Variants in ABCC2 observed in about 807,000 individuals in gnomAD.
The protein encoded by ABCC2 is ATP-binding cassette sub-family C member 2.
A neutral mutation model predicts 173.4 loss-of-function variants in ABCC2; 157 were observed. The ratio of observed to expected loss-of-function variants is 0.91; its 90% CI spans 0.80 to 1.03. ABCC2 has a LOEUF of 1.03. ABCC2 is among the 50% of genes least tolerant of loss of function. ABCC2 has a pLI of 0.00. For synonymous variants in ABCC2, 657 were observed against 693.5 expected (o/e 0.95, Z 0.83); for missense variants, 1,822 against 1,852.3 (o/e 0.98, Z 0.30).
At chr10:99,785,948 G>A (rs2037702693) in intron 2 of ABCC2, among the ~76,000 whole-genome samples, 1 of 152,112 alleles carries the variant, frequency 6.6e-6, no homozygotes, top group African/African-American at 2.4e-5. Flanking sequence ...AAAGGAAGTG[G>A]ATTTCACCTT....
chr10:99,828,779 G>T (rs1369421186), intron 19 of ABCC2, among the ~76,000 whole-genome samples: 1 of 151,978 alleles, frequency 6.6e-6, no homozygotes, highest in Admixed American at 6.6e-5. Flanking sequence ...TGTGTGTTGT[G>T]GGTGGTGGGG....
chr10:99,814,378 C>CGCGTATGTATACACACATGTAT (rs2038317183), intron 16 of ABCC2, among the ~76,000 whole-genome samples: 2 of 24,096 alleles, frequency 8.3e-5, no homozygotes, highest in Admixed American at 4.3e-4. Context: ...TATATATACA[C>CGCGTATGTATACACACATGTAT]ATATATACAT....
rs527928341 is a variant in ABCC2 at position 99,812,444 on chromosome 10, G to A, written c.1968-574G>A. 9.5e-4 allele frequency among the ~76,000 whole-genome samples: 145 copies of A among 152,278 alleles called. 1 individual carries two copies. Among genetic ancestry groups the A allele is most frequent in the African/African-American group, 3.3e-3 (137 of 41,556 alleles). ...AACAGGGCTGGCACACACAGTTTCCGGGAACCTATCCCATTGTGGGCCCCT... is the reference window on the plus strand; with the variant it reads ...AACAGGGCTGGCACACACAGTTTCCAGGAACCTATCCCATTGTGGGCCCCT... On this transcript the variant is annotated intron_variant, in intron 15 of 31. Transcript: ENST00000647814.
At chr10:99,836,413 T>G (rs957018405) in intron 25 of ABCC2, 123 bp downstream of exon 25, 62 of 1,027,176 alleles carry the variant, frequency 6.0e-5, no homozygotes, top group Non-Finnish European at 8.7e-5. Context: ...CACACTGTCA[T>G]GCTATGTAAG....
At chr10:99,790,083 T>A (rs1458977733) in intron 2 of ABCC2, among the ~76,000 whole-genome samples, 1 of 152,236 alleles carries the variant, frequency 6.6e-6, no homozygotes, top group Non-Finnish European at 1.5e-5. Flanking sequence ...TGTATATACT[T>A]GTGTATACAA....
rs138705984 is a variant in ABCC2, at chr10:99,846,130, T to A, written c.4146+348T>A. Among the ~76,000 whole-genome samples the A allele has an allele frequency of 6.6e-5, 10 of 152,346 alleles. No homozygotes were observed. In the East Asian group the frequency reaches 1.9e-3, roughly 29 times the overall value. On this transcript the variant is annotated intron_variant, in intron 29 of 31. Coordinates refer to ENST00000647814, the MANE Select transcript of ABCC2 (RefSeq NM_000392.5). Reference sequence around the variant, plus strand: ...TGAAGCTTGAAGCCATTAAGCTTTATACTCCCCATTTGCTATGGTTAAAAG... The same window carrying A: ...TGAAGCTTGAAGCCATTAAGCTTTAAACTCCCCATTTGCTATGGTTAAAAG...
intron 19 of ABCC2, 26 bp downstream of exon 19, chr10:99,819,295 T>G: frequency 6.2e-7 from 1 of 1,606,954 alleles, no homozygotes; most frequent in Non-Finnish European, 8.5e-7. Context: ...TGGGACAAGA[T>G]AGAACTTGGG....
chr10:99,792,213 G>C (rs1477419403), intron 2 of ABCC2, 21 bp from the exon 3 acceptor site: 1 of 1,613,598 alleles, frequency 6.2e-7, no homozygotes, highest in Non-Finnish European at 8.5e-7. Context: ...CCTCTTAACA[G>C]TGGTCTTTTT....
chr10:99,808,769 G>A (rs2038159511), intron 13 of ABCC2, among the ~76,000 whole-genome samples: 1 of 152,178 alleles, frequency 6.6e-6, no homozygotes, highest in Non-Finnish European at 1.5e-5. Context: ...TATGCGACAA[G>A]TACCAGATCT....
At chr10:99,807,553 T>C (rs541219712) in intron 12 of ABCC2, 32 bp downstream of exon 12, 1 of 1,613,836 alleles carries the variant, frequency 6.2e-7, no homozygotes, top group East Asian at 2.2e-5. Context: ...GGGCTGCGTA[T>C]TCACCTGGAC....
chr10:99,785,788 C>A (rs368225207), intron 2 of ABCC2, among the ~76,000 whole-genome samples: 15 of 152,072 alleles, frequency 9.9e-5, no homozygotes, highest in African/African-American at 3.6e-4. Context: ...CAAAGTGCTG[C>A]GATTACAAGC....
In ABCC2 at chr10:99,836,276, G is replaced by T. The variant is rs772009281; in HGVS notation, c.3600G>T (p.Trp1200Cys). ...IDTNQKCVFS[W>C]ITSNRWLAIR... ...CCAACCAGAAATGTGTCTTTTCCTG[G>T]ATCACCTCCAACAGGTGAGGCTTCC... Residue 1200 changes from tryptophan to cysteine, a missense_variant, in exon 25 of 32, where the codon TGG (tryptophan) becomes TGT (cysteine). Transcript: ENST00000647814. 2.5e-6 allele frequency: 4 copies of T among 1,614,036 alleles called. No individual in the cohort carries two copies. In the African/African-American group the frequency reaches 5.3e-5, roughly 22 times the overall value.
At chr10:99,815,698 T>C (rs2038396437) in intron 16 of ABCC2, among the ~76,000 whole-genome samples, 1 of 152,180 alleles carries the variant, frequency 6.6e-6, no homozygotes, top group Non-Finnish European at 1.5e-5. Flanking sequence ...GGGTTTCTTT[T>C]TAAGTATGAG....
At chr10:99,819,338 C>A in intron 19 of ABCC2, 69 bp downstream of exon 19, 1 of 1,429,070 alleles carries the variant, frequency 7.0e-7, no homozygotes, top group Non-Finnish European at 9.8e-7. Flanking sequence ...ATATCTAATT[C>A]CTGAACTGCT....
intron 16 of ABCC2, among the ~76,000 whole-genome samples, chr10:99,814,329 A>G (rs2038310082): frequency 6.9e-6 from 1 of 144,102 alleles, no homozygotes; most frequent in South Asian, 2.1e-4. Context: ...ACGTATGTAT[A>G]CACACATGTA....
intron 25 of ABCC2, 150 bp downstream of exon 25, chr10:99,836,440 T>C (rs1435606478): frequency 1.1e-6 from 1 of 910,138 alleles, no homozygotes; most frequent in Non-Finnish European, 1.7e-6. Context: ...GAAGAAAGCA[T>C]GAGCTTTGGA....
Position 99,793,877 on chromosome 10 carries a change from T to G in ABCC2, c.469-15T>G. On this transcript the variant is annotated splice_polypyrimidine_tract_variant and intron_variant, in intron 4 of 31. Coordinates refer to ENST00000647814, the MANE Select transcript of ABCC2 (RefSeq NM_000392.5). ...ACAAAAGGCTCATTTTTCCTCTTTGTTTTTTTCCTCATAGGGTGACAATTC... is the reference window on the plus strand; with the variant it reads ...ACAAAAGGCTCATTTTTCCTCTTTGGTTTTTTCCTCATAGGGTGACAATTC... 6.2e-7 allele frequency: 1 copy of G among 1,607,796 alleles called. No homozygotes were observed. The highest frequency in any genetic ancestry group is 8.5e-7 in the Non-Finnish European group (1 of 1,174,382).
rs1365902767 is a variant in ABCC2, at chr10:99,814,222, TACACACATGTGTATATATGC to T, written c.2094+1085_2094+1104del. ...GTATATATACACACATGTGTATATA[TACACACATGTGTATATATGC>T]ACACACGTATGTATACACACGTATG... On this transcript the variant is annotated intron_variant, in intron 16 of 31. Coordinates refer to ENST00000647814, the MANE Select transcript of ABCC2 (RefSeq NM_000392.5). Among the ~76,000 whole-genome samples, 78 of 53,960 alleles carry T rather than the reference TACACACATGTGTATATATGC, an allele frequency of 1.4e-3. 19 individuals carry two copies. Among genetic ancestry groups the T allele is most frequent in the African/African-American group, 5.7e-3 (73 of 12,892 alleles). The allele number at this position is 53,960 out of a possible 152,430, so 35.4% of individuals were successfully genotyped here.
chr10:99,818,824 T>C lies in ABCC2; in HGVS notation c.2306T>C (p.Ile769Thr), dbSNP rs762655590. ...CTTAGTGGGGGTCAGAAGCAGCGGATCAGCCTGGCCAGAGCTACCTACCAA... is the reference window on the plus strand; with the variant it reads ...CTTAGTGGGGGTCAGAAGCAGCGGACCAGCCTGGCCAGAGCTACCTACCAA... ...INLSGGQKQR[I>T]SLARATYQNL... Residue 769 changes from isoleucine (I) to threonine (T), a missense_variant, in exon 18 of 32, where the codon ATC (isoleucine) becomes ACC (threonine). Ile to Thr is a moderately conservative substitution (Grantham distance 89). Transcript: ENST00000647814. The C allele has an allele frequency of 3.0e-5, 49 of 1,614,208 alleles. No individual in the cohort carries two copies. Among genetic ancestry groups the C allele is most frequent in the Non-Finnish European group, 4.2e-5 (49 of 1,180,050 alleles).
Sources: allele counts gnomAD v4.1 joint callset (sites outside exome capture counted in the v4.1 genomes callset), GRCh38; gene constraint gnomAD v4.1.1; transcripts MANE v1.5; gene names NCBI Gene and HGNC (gene_info 2026-07-23, HGNC 2026-07-21).